The following MAPKAP1 variants were observed in gnomAD, a reference collection of about 807,000 sequenced individuals.
MAPKAP1 encodes target of rapamycin complex 2 subunit MAPKAP1.
In MAPKAP1, 20 loss-of-function variants were observed where a neutral mutation model predicts 65.7. That is an observed-to-expected ratio of 0.30 (90% CI 0.21 to 0.44). The LOEUF (loss-of-function observed/expected upper bound fraction) is 0.44. MAPKAP1 is among the 20% of genes least tolerant of loss of function. MAPKAP1 has a pLI of 1.00. For missense variants in MAPKAP1, 423 were observed against 648.0 expected, an observed-to-expected ratio of 0.65 and a Z score of 3.77; for synonymous variants, 222 against 244.3, an observed-to-expected ratio of 0.91 and a Z score of 0.85.
intron 4 of MAPKAP1, among the ~76,000 whole-genome samples, chr9:125,598,555 A>G (rs1832207421): frequency 6.6e-6 from 1 of 152,176 alleles, no homozygotes; most frequent in African/African-American, 2.4e-5. Flanking sequence ...TAACTAATAG[A>G]AACTAGGGAG....
At chr9:125,530,393 C>T (rs770271692) in intron 7 of MAPKAP1, among the ~76,000 whole-genome samples, 8 of 152,312 alleles carry the variant, frequency 5.3e-5, no homozygotes, top group Non-Finnish European at 1.2e-4. Context: ...TTTAAGTATA[C>T]TTCCTCTTTT....
chr9:125,547,569 T>C (rs1830464092), intron 6 of MAPKAP1, among the ~76,000 whole-genome samples: 1 of 152,212 alleles, frequency 6.6e-6, no homozygotes, highest in Admixed American at 6.5e-5. Context: ...TTCTCTTTTG[T>C]TCCCCTTGCC....
chr9:125,507,265 G>A (rs376845193), intron 7 of MAPKAP1, among the ~76,000 whole-genome samples: 11 of 152,060 alleles, frequency 7.2e-5, no homozygotes, highest in Non-Finnish European at 1.3e-4. Flanking sequence ...AACACATAAC[G>A]GGTCCAATGA....
intron 10 of MAPKAP1, among the ~76,000 whole-genome samples, chr9:125,446,861 C>T (rs1422027346): frequency 6.6e-6 from 1 of 152,140 alleles, no homozygotes; most frequent in Admixed American, 6.5e-5. Context: ...TTTGCCTGAA[C>T]AATTGAGACA....
chr9:125,526,414 G>A (rs1264343593), intron 7 of MAPKAP1, among the ~76,000 whole-genome samples: 1 of 152,202 alleles, frequency 6.6e-6, no homozygotes, highest in Non-Finnish European at 1.5e-5. Flanking sequence ...TCCTTCCAAT[G>A]GGACAGAGTA....
chr9:125,439,586 G>C lies in MAPKAP1; in HGVS notation c.1444-574C>G, dbSNP rs1852406078. On this transcript the variant is annotated intron_variant, in intron 11 of 11. Transcript: ENST00000265960. This position sits in a 1 kb window ranked among gnomAD's most constrained non-coding sequence, Gnocchi z 4.0. ...CAGAGAGGGAGGCCAAAGTGGCCTA[G>C]GCCACGTGGAAGTCAGGGTGAGAGC... 6.6e-6 allele frequency among the ~76,000 whole-genome samples: 1 copy of C among 152,252 alleles called. No individual in the cohort carries two copies. The highest frequency in any genetic ancestry group is 2.1e-4 in the South Asian group (1 of 4,834).
rs576223324 is a variant in MAPKAP1 at position 125,466,923 on chromosome 9, C to T, written c.1345+1049G>A. ...CCCCCGTCAGCCCCTGTTTAGTCAG[C>T]GTTATCTCAAAAACTTGAATCGTAT... On this transcript the variant is annotated intron_variant, in intron 10 of 11. Coordinates refer to ENST00000265960, the MANE Select transcript of MAPKAP1 (RefSeq NM_001006617.3). Among the ~76,000 whole-genome samples the T allele has an allele frequency of 2.6e-5, 4 of 152,338 alleles. No homozygotes were observed. The South Asian group carries it at 8.3e-4, about 32-fold the overall frequency.
chr9:125,465,101 T>G (rs1209714372), intron 10 of MAPKAP1, among the ~76,000 whole-genome samples: 1 of 152,240 alleles, frequency 6.6e-6, no homozygotes, highest in Non-Finnish European at 1.5e-5. Context: ...TGGTCACACG[T>G]TCCGGTCTTC....
intron 4 of MAPKAP1, among the ~76,000 whole-genome samples, chr9:125,632,709 T>C (rs1833321833): frequency 6.6e-6 from 1 of 152,176 alleles, no homozygotes; most frequent in Non-Finnish European, 1.5e-5. Flanking sequence ...TCATCAATGT[T>C]CTCATTCAGG....
chr9:125,695,118 G>A (rs1835344912), intron 1 of MAPKAP1, among the ~76,000 whole-genome samples: 1 of 152,170 alleles, frequency 6.6e-6, no homozygotes, highest in African/African-American at 2.4e-5. Flanking sequence ...TTTTGGGGAT[G>A]TGTCCGTATT....
intron 7 of MAPKAP1, among the ~76,000 whole-genome samples, chr9:125,527,356 G>A (rs559196500): frequency 8.5e-4 from 129 of 152,214 alleles, no homozygotes; most frequent in African/African-American, 2.9e-3. Context: ...GTGAGCCACC[G>A]CGCCCGGGCC....
At chr9:125,685,630 GAT>G (rs1421960898) in intron 1 of MAPKAP1, among the ~76,000 whole-genome samples, 5 of 152,204 alleles carry the variant, frequency 3.3e-5, no homozygotes, top group African/African-American at 1.2e-4. Flanking sequence ...ACAAATAAAA[GAT>G]CGCAAACAAA....
At chr9:125,576,595 T>A (rs1831408103) in intron 5 of MAPKAP1, among the ~76,000 whole-genome samples, 2 of 152,192 alleles carry the variant, frequency 1.3e-5, no homozygotes, top group Non-Finnish European at 2.9e-5. Context: ...ACTGCTGCCA[T>A]CTCAGCTCAC....
At chr9:125,577,748 C>A (rs1831484046) in intron 5 of MAPKAP1, among the ~76,000 whole-genome samples, 1 of 136,060 alleles carries the variant, frequency 7.3e-6, no homozygotes, top group African/African-American at 2.7e-5. Flanking sequence ...TGCCTGGCCG[C>A]CCCTACTGGG....
At chr9:125,481,015 T>C (rs951328409) in intron 9 of MAPKAP1, among the ~76,000 whole-genome samples, 5 of 149,682 alleles carry the variant, frequency 3.3e-5, no homozygotes, top group African/African-American at 1.2e-4. Flanking sequence ...TATGCTTCTA[T>C]GGGCCAGACA....
At chr9:125,452,866 T>C (rs1414956072) in intron 10 of MAPKAP1, among the ~76,000 whole-genome samples, 1 of 151,920 alleles carries the variant, frequency 6.6e-6, no homozygotes, top group African/African-American at 2.4e-5. Context: ...TACTCCAGCG[T>C]GGGTAACACA....
intron 7 of MAPKAP1, among the ~76,000 whole-genome samples, chr9:125,539,219 A>G (rs1245662382): frequency 6.6e-6 from 1 of 152,230 alleles, no homozygotes; most frequent in Non-Finnish European, 1.5e-5. Flanking sequence ...AGGCTTATTA[A>G]CAATATTTTA....
At chr9:125,655,267 C>T (rs186706056) in intron 4 of MAPKAP1, among the ~76,000 whole-genome samples, 20 of 152,040 alleles carry the variant, frequency 1.3e-4, no homozygotes, top group Non-Finnish European at 2.2e-4. Flanking sequence ...TTTTAAGTTA[C>T]AACAGTAACA....
intron 6 of MAPKAP1, among the ~76,000 whole-genome samples, chr9:125,556,370 C>A (rs148618758): frequency 6.6e-6 from 1 of 152,348 alleles, no homozygotes; most frequent in African/African-American, 2.4e-5. Flanking sequence ...AAACCAACAC[C>A]AGATTCCCCA....
Sources: allele counts gnomAD v4.1 joint callset (sites outside exome capture counted in the v4.1 genomes callset), GRCh38; gene constraint gnomAD v4.1.1; non-coding constraint Gnocchi (gnomAD v3.1); transcripts MANE v1.5; gene names NCBI Gene and HGNC (gene_info 2026-07-23, HGNC 2026-07-21).